DYRK4: variants seen among roughly 807,000 people sequenced by gnomAD.
DYRK4 encodes the protein dual specificity tyrosine-phosphorylation-regulated kinase 4.
Under a neutral mutation model 68.3 loss-of-function variants are expected in DYRK4, and 64 were observed. That is an observed-to-expected ratio of 0.94 (90% CI 0.77 to 1.15). The LOEUF (loss-of-function observed/expected upper bound fraction) is 1.15. DYRK4 is among the 50% of genes most tolerant of loss of function. The pLI is 0.00. For missense variants in DYRK4, 740 were observed against 764.7 expected (o/e 0.97, Z 0.38); for synonymous variants, 274 against 289.9 (o/e 0.95, Z 0.56).
chr12:4,562,959 TC>T (rs2137310923), intron 1 of DYRK4: 2 of 417,904 alleles, frequency 4.8e-6, no homozygotes, highest in East Asian at 1.4e-4. Context: ...ATTTGAAATG[TC>T]CAGCAGCCCC....
intron 11 of DYRK4, among the ~76,000 whole-genome samples, chr12:4,605,729 GTTTTTTTTTTTTTTTTT>G (rs58963826): frequency 9.8e-6 from 1 of 102,118 alleles, no homozygotes; most frequent in Admixed American, 1.3e-4. Flanking sequence ...ATAGAGCTGG[GTTTTTTTTTTTTTTTTT>G]TTTTTTTTTC....
intron 3 of DYRK4, 74 bp from the exon 4 acceptor site, chr12:4,590,256 G>A (rs146900917): frequency 5.5e-6 from 8 of 1,466,228 alleles, no homozygotes; most frequent in South Asian, 1.4e-5. Flanking sequence ...GGGAAGGGAG[G>A]CTGGAAGAAA....
intron 2 of DYRK4, among the ~76,000 whole-genome samples, chr12:4,582,535 A>G (rs1264523672): frequency 6.6e-6 from 1 of 152,200 alleles, no homozygotes; most frequent in Non-Finnish European, 1.5e-5. Flanking sequence ...ACCTTGTCTA[A>G]CAAGCCTTTG....
At chr12:4,595,206 G>A (rs1017764594) in intron 6 of DYRK4, among the ~76,000 whole-genome samples, 9 of 152,168 alleles carry the variant, frequency 5.9e-5, no homozygotes, top group African/African-American at 1.4e-4. Flanking sequence ...AAAGTTGTAC[G>A]TGTTCAAATT....
intron 8 of DYRK4, among the ~76,000 whole-genome samples, 156 bp from the exon 9 acceptor site, chr12:4,598,872 A>C (rs1239834116): frequency 6.6e-6 from 1 of 152,156 alleles, no homozygotes; most frequent in African/African-American, 2.4e-5. Context: ...TTCAGTGGGA[A>C]AGCTGAGTCT....
intron 2 of DYRK4, among the ~76,000 whole-genome samples, chr12:4,579,702 C>T (rs770323162): frequency 2.0e-5 from 3 of 152,126 alleles, no homozygotes; most frequent in Non-Finnish European, 4.4e-5. Context: ...ATGCATAAAT[C>T]CACTTTATAT....
intron 1 of DYRK4, 138 bp downstream of exon 1, chr12:4,562,421 C>G (rs757877453): frequency 6.1e-6 from 7 of 1,140,218 alleles, no homozygotes; most frequent in Non-Finnish European, 8.4e-6. Context: ...GAATGTGGGT[C>G]AGAGAGAGGC....
intron 9 of DYRK4, 84 bp downstream of exon 9, chr12:4,599,250 A>T (rs1945052615): frequency 1.5e-6 from 2 of 1,321,322 alleles, no homozygotes; most frequent in Non-Finnish European, 2.1e-6. Flanking sequence ...CACAAACTCC[A>T]ATCAAATAAT....
rs759186486 is a variant in DYRK4, at chr12:4,613,692, C to T, written c.1844C>T (p.Ser615Phe). The T allele has an allele frequency of 5.6e-6, 9 of 1,595,540 alleles. No homozygotes were observed. The highest frequency in any genetic ancestry group is 6.9e-6 in the Non-Finnish European group (8 of 1,165,822). Residue 615 changes from serine to phenylalanine, a missense_variant, in exon 15 of 15, where the codon TCC becomes TTC. By Grantham distance (155) the Ser-to-Phe change is radical. Coordinates refer to ENST00000543431, the MANE Select transcript of DYRK4 (RefSeq NM_001394779.1). The surrounding 1 kb of genome is among the most constrained non-coding windows in gnomAD (Gnocchi z 4.0). ...GTCGGGGCGGAGGTGTCCATGACCTCCCCAGGACAGAGCAAAAACTTCTCC... is the reference window on the plus strand; with the variant it reads ...GTCGGGGCGGAGGTGTCCATGACCTTCCCAGGACAGAGCAAAAACTTCTCC... ...AAVGAEVSMT[S>F]PGQSKNFSLK...
At chr12:4,612,032 TA>T (rs1350654320) in intron 13 of DYRK4, among the ~76,000 whole-genome samples, 1 of 152,202 alleles carries the variant, frequency 6.6e-6, no homozygotes, top group Admixed American at 6.5e-5. Flanking sequence ...TCACTGAAAT[TA>T]CTCAAGAATT....
At chr12:4,574,008 A>G (rs555987870) in intron 2 of DYRK4, among the ~76,000 whole-genome samples, 18 of 152,110 alleles carry the variant, frequency 1.2e-4, no homozygotes, top group African/African-American at 2.6e-4. Flanking sequence ...GGTGGATCAC[A>G]AGGTCAGGAG....
At chr12:4,606,087 C>G (rs1303799429) in intron 11 of DYRK4, among the ~76,000 whole-genome samples, 1 of 152,162 alleles carries the variant, frequency 6.6e-6, no homozygotes, top group Non-Finnish European at 1.5e-5. Context: ...TCTGGGAAAA[C>G]TATCTCCTAA....
intron 11 of DYRK4, among the ~76,000 whole-genome samples, chr12:4,606,936 T>G (rs1945158939): frequency 6.6e-6 from 1 of 152,230 alleles, no homozygotes; most frequent in African/African-American, 2.4e-5. Context: ...CTGATGCTCA[T>G]CCGGTGATTT....
intron 8 of DYRK4, among the ~76,000 whole-genome samples, chr12:4,597,407 C>T (rs1945031048): frequency 6.6e-6 from 1 of 152,234 alleles, no homozygotes; most frequent in Non-Finnish European, 1.5e-5. Flanking sequence ...CCCCATGACA[C>T]CATTGCTGAC....
At chr12:4,600,120 G>A (rs1945064615) in intron 10 of DYRK4, among the ~76,000 whole-genome samples, 1 of 152,206 alleles carries the variant, frequency 6.6e-6, no homozygotes, top group Non-Finnish European at 1.5e-5. Context: ...TTTCTGGGAA[G>A]TAGCTAGAAG....
At chr12:4,566,889 G>A (rs1263043820) in intron 1 of DYRK4, among the ~76,000 whole-genome samples, 70 of 152,126 alleles carry the variant, frequency 4.6e-4, no homozygotes, top group Non-Finnish European at 1.2e-4. Flanking sequence ...ATTTCTTCTA[G>A]ATCTTTCAAT....
intron 2 of DYRK4, 78 bp from the exon 3 acceptor site, chr12:4,588,859 A>G: frequency 7.1e-7 from 1 of 1,403,340 alleles, no homozygotes; most frequent in Non-Finnish European, 9.7e-7. Context: ...TAGTTTGTTT[A>G]TTGTAATGTA....
chr12:4,597,086 G>T (rs1945026833), intron 8 of DYRK4: 1 of 1,105,446 alleles, frequency 9.0e-7, no homozygotes, highest in Admixed American at 5.2e-5. Context: ...TGGCCTGGTC[G>T]TGCAGAGGCT....
rs1565542096 is a variant in DYRK4 at position 4,605,138 on chromosome 12, C to G, written c.1299+52C>G. 4 of 1,552,848 alleles carry G rather than the reference C, an allele frequency of 2.6e-6. No individual in the cohort carries two copies. The South Asian group carries it at 4.7e-5, about 18-fold the overall frequency. ...CCACGGAGACCGTGGGCTTGGCCCT[C>G]AGACACGGGGCTGCACCAGACTCGC... On this transcript the variant is annotated intron_variant, in intron 11 of 14. Transcript: ENST00000543431.
Sources: gnomAD v4.1 joint callset for allele counts (sites outside exome capture counted in the v4.1 genomes callset) on GRCh38, gnomAD v4.1.1 for gene constraint, Gnocchi (gnomAD v3.1) non-coding constraint, MANE v1.5 for transcripts, NCBI Gene and HGNC (gene_info 2026-07-23, HGNC 2026-07-21) for gene names.